Variants in PODXL2 observed in about 807,000 individuals in gnomAD.
PODXL2 encodes podocalyxin like 2, also known as podocalyxin-like protein 2.
A neutral mutation model predicts 53.4 loss-of-function variants in PODXL2; 17 were observed. The ratio of observed to expected loss-of-function variants is 0.32; its 90% confidence interval spans 0.22 to 0.48. PODXL2 has a LOEUF of 0.48. Among genes scored for constraint, PODXL2 ranks in the 20% least tolerant of loss-of-function variants. The probability of loss-of-function intolerance (pLI) is 0.99; values close to 1 mark genes in which losing one functional copy is unlikely to be tolerated. For missense variants in PODXL2, 673 were observed against 760.0 expected (o/e 0.89, Z 1.35); for synonymous variants, 311 against 306.7 (o/e 1.01, Z -0.15).
chr3:127,641,661 G>A (rs2074621275), intron 2 of PODXL2, among the ~76,000 whole-genome samples: 1 of 151,948 alleles, frequency 6.6e-6, no homozygotes, highest in African/African-American at 2.4e-5. Flanking sequence ...TCATAGGCAT[G>A]TGCCACCATG....
At chr3:127,662,633 C>T (rs1011665275) in intron 4 of PODXL2, among the ~76,000 whole-genome samples, 3 of 152,198 alleles carry the variant, frequency 2.0e-5, no homozygotes, top group Non-Finnish European at 4.4e-5. Context: ...GTATAGGTTG[C>T]TTTTCTCCGT....
In PODXL2 at chr3:127,638,952, A is replaced by G. The variant is rs9871835; in HGVS notation, c.71-293A>G. On this transcript the variant is annotated intron_variant, in intron 1 of 7. Transcript: ENST00000342480. The stretch of plus-strand genomic sequence containing the variant: ...AACAGAGAGAGGGTACTCAGGAGGC[A>G]TTTTCTGAGTGACCACATGCGCAGT... 9.7e-3 allele frequency among the ~76,000 whole-genome samples: 1,473 copies of G among 152,170 alleles called. 33 individuals carry two copies. The highest frequency in any genetic ancestry group is 0.033 in the African/African-American group (1,363 of 41,514).
intron 2 of PODXL2, among the ~76,000 whole-genome samples, chr3:127,644,888 G>A (rs1174053184): frequency 6.6e-6 from 1 of 152,186 alleles, no homozygotes; most frequent in Non-Finnish European, 1.5e-5. Flanking sequence ...GGTGCAGGGA[G>A]GAGAGTTGCT....
chr3:127,630,879 T>C (rs941145070), intron 1 of PODXL2, among the ~76,000 whole-genome samples: 1 of 152,256 alleles, frequency 6.6e-6, no homozygotes, highest in Non-Finnish European at 1.5e-5. Flanking sequence ...CTGCTATTTC[T>C]TTGTGTGACA....
intron 6 of PODXL2, 69 bp from the exon 7 acceptor site, chr3:127,671,365 G>T: frequency 5.5e-6 from 8 of 1,444,740 alleles, no homozygotes; most frequent in African/African-American, 1.4e-5. Context: ...CGAGCCCAAT[G>T]CAACCACCCC....
intron 5 of PODXL2, 25 bp downstream of exon 5, chr3:127,668,622 G>A: frequency 6.7e-7 from 1 of 1,483,130 alleles, no homozygotes; most frequent in South Asian, 1.4e-5. Flanking sequence ...GTGATGGGAG[G>A]GCCCAGGAGG....
At chr3:127,669,265 A>G (rs2074815660) in intron 6 of PODXL2, 63 bp downstream of exon 6, 2 of 1,170,970 alleles carry the variant, frequency 1.7e-6, no homozygotes, top group South Asian at 2.6e-5. Context: ...TCTGTTCCTC[A>G]AAGTCCCAGG....
intron 2 of PODXL2, among the ~76,000 whole-genome samples, chr3:127,649,036 C>T (rs143765214): frequency 6.6e-6 from 1 of 152,160 alleles, no homozygotes; most frequent in African/African-American, 2.4e-5. Flanking sequence ...AGGAGATCCA[C>T]CTGCCTTGGT....
intron 1 of PODXL2, among the ~76,000 whole-genome samples, chr3:127,638,394 CTG>C (rs752495664): frequency 2.6e-5 from 4 of 152,330 alleles, no homozygotes; most frequent in East Asian, 3.9e-4. Context: ...TGAGTTTGAA[CTG>C]TGACCTCACG....
At chr3:127,652,195 T>A (rs2074693660) in intron 2 of PODXL2, among the ~76,000 whole-genome samples, 1 of 152,198 alleles carries the variant, frequency 6.6e-6, no homozygotes. Context: ...GCAAGAATCC[T>A]CCTCTCCTGG....
chr3:127,667,687 G>A (rs1175049468), intron 4 of PODXL2, among the ~76,000 whole-genome samples: 2 of 152,212 alleles, frequency 1.3e-5, no homozygotes, highest in East Asian at 1.9e-4. Flanking sequence ...GGAATTACAC[G>A]TACACATGGT....
rs76852880 is a variant in PODXL2 at position 127,651,989 on chromosome 3, C to T, written c.350-8389C>T. On this transcript the variant is annotated intron_variant, in intron 2 of 7. Transcript: ENST00000342480. ...AGCCCAGCTTTAAGGAGGTTGGCTG[C>T]GGCCACAAAGGTACGGGCAGACTGG... Among the ~76,000 whole-genome samples, 1,192 of 152,290 alleles carry T rather than the reference C, an allele frequency of 7.8e-3. 16 individuals carry two copies. The highest frequency in any genetic ancestry group is 0.059 in the South Asian group (285 of 4,828).
At chr3:127,650,058 G>C (rs1400781112) in intron 2 of PODXL2, among the ~76,000 whole-genome samples, 1 of 152,226 alleles carries the variant, frequency 6.6e-6, no homozygotes, top group Non-Finnish European at 1.5e-5. Flanking sequence ...TGACTTGAGA[G>C]TTGTAGTGAG....
rs551487622 is a variant in PODXL2 at position 127,650,951 on chromosome 3, G to A, written c.350-9427G>A. Among the ~76,000 whole-genome samples, 803 of 152,042 alleles carry A rather than the reference G, an allele frequency of 5.3e-3. 7 individuals are homozygous for A. Among genetic ancestry groups the A allele is most frequent in the African/African-American group, 0.018 (751 of 41,522 alleles). ...TGGGATTACAGGCGTGAGCCACCGC[G>A]CCCAGCTGTAATACTCCTAAAACTG... On this transcript the variant is annotated intron_variant, in intron 2 of 7. Transcript: ENST00000342480.
At chr3:127,648,984 G>C (rs1238543150) in intron 2 of PODXL2, among the ~76,000 whole-genome samples, 1 of 151,812 alleles carries the variant, frequency 6.6e-6, no homozygotes, top group Non-Finnish European at 1.5e-5. Context: ...TAGAGACGGG[G>C]TTTTGTCATG....
At chr3:127,669,023 T>C in intron 5 of PODXL2, 118 bp from the exon 6 acceptor site, 1 of 635,960 alleles carries the variant, frequency 1.6e-6, no homozygotes, top group Non-Finnish European at 2.8e-6. Context: ...TGTGTGCAAT[T>C]TGAGCCAGGA....
chr3:127,645,278 T>C (rs1390071681), intron 2 of PODXL2, among the ~76,000 whole-genome samples: 1 of 152,230 alleles, frequency 6.6e-6, no homozygotes, highest in Non-Finnish European at 1.5e-5. Context: ...GTAATGGAGC[T>C]GGATCTAGAG....
intron 5 of PODXL2, among the ~76,000 whole-genome samples, chr3:127,668,865 C>T (rs971200316): frequency 1.3e-5 from 2 of 152,106 alleles, no homozygotes; most frequent in Middle Eastern, 3.2e-3. Flanking sequence ...GACACTGTAC[C>T]TGGTGTGGCA....
Position 127,672,123 on chromosome 3 carries a change from G to A in PODXL2, c.1606-145G>A. ...GTAGGTTTATTTTGAGAAAGGAGTT[G>A]AGCTGCAGCAACAGAAAAGAAGGAT... On this transcript the variant is annotated intron_variant, in intron 7 of 7. Transcript: ENST00000342480. 4 of 636,190 alleles carry A rather than the reference G, an allele frequency of 6.3e-6. No individual in the cohort carries two copies. In the East Asian group the frequency reaches 1.1e-4, roughly 18 times the overall value. The allele number at this position is 636,190 out of a possible 1,614,324, so 39.4% of individuals were successfully genotyped here.
Sources: gnomAD v4.1 joint callset for allele counts (sites outside exome capture counted in the v4.1 genomes callset) on GRCh38, gnomAD v4.1.1 for gene constraint, MANE v1.5 for transcripts, NCBI Gene and HGNC (gene_info 2026-07-23, HGNC 2026-07-21) for gene names.